DIAPH2: variants seen among roughly 807,000 people sequenced by gnomAD.
DIAPH2 encodes the protein diaphanous related formin 2.
DIAPH2 carries 35 observed loss-of-function variants against 92.7 expected under a neutral mutation model. The observed-to-expected ratio is 0.38, with a 90% confidence interval of 0.29 to 0.50. The LOEUF is 0.50. Ranked by LOEUF, DIAPH2 falls within the 20% of genes least tolerant of loss-of-function variation. The probability of loss-of-function intolerance (pLI) is 0.94; values close to 1 mark genes in which losing one functional copy is unlikely to be tolerated. For missense variants in DIAPH2, 701 were observed against 819.5 expected (o/e 0.86, Z 1.77); for synonymous variants, 301 against 280.4 (o/e 1.07, Z -0.73).
intron 21 of DIAPH2, among the ~76,000 whole-genome samples, chrX:97,139,171 C>T (rs6620226): frequency 0.44 from 47,303 of 108,596 alleles, 8,078 homozygotes; most frequent in Non-Finnish European, 0.54. Context: ...TCTTAGTTGC[C>T]TTCTGTGCTG....
At chrX:97,035,898 A>G (rs2147882223) in intron 17 of DIAPH2, among the ~76,000 whole-genome samples, 1 of 109,718 alleles carries the variant, frequency 9.1e-6, no homozygotes, top group Admixed American at 9.8e-5. Context: ...TGTCCCAGCT[A>G]CTTGAGAGGT....
chrX:97,486,182 AATT>A (rs1323312926), intron 26 of DIAPH2, among the ~76,000 whole-genome samples: 1 of 111,661 alleles, frequency 9.0e-6, no homozygotes, highest in African/African-American at 3.3e-5. Context: ...TGTCTTTCAT[AATT>A]ATTATTCAAT....
In DIAPH2 at chrX:97,304,609, G is replaced by A. The variant is rs189682895; in HGVS notation, c.2845-43507G>A. Among the ~76,000 whole-genome samples the A allele has an allele frequency of 1.5e-3, 168 of 112,424 alleles. 1 individual carries two copies. Among genetic ancestry groups the A allele is most frequent in the African/African-American group, 5.2e-3 (163 of 31,077 alleles). ...GAAAAGTACTTGTACATATCTCTGTGATGGTGTTCATCTCACGATGTTTGA... is the reference window on the plus strand; with the variant it reads ...GAAAAGTACTTGTACATATCTCTGTAATGGTGTTCATCTCACGATGTTTGA... On this transcript the variant is annotated intron_variant, in intron 23 of 26. Coordinates refer to ENST00000324765, the MANE Select transcript of DIAPH2 (RefSeq NM_006729.5).
At chrX:97,536,707 T>G (rs1015353117) in intron 26 of DIAPH2, among the ~76,000 whole-genome samples, 2 of 111,857 alleles carry the variant, frequency 1.8e-5, no homozygotes, top group Non-Finnish European at 3.8e-5. Context: ...CAAGTATGTT[T>G]AAATATTGGA....
chrX:96,871,120 C>G (rs1019713245), intron 4 of DIAPH2, among the ~76,000 whole-genome samples: 3 of 111,927 alleles, frequency 2.7e-5, no homozygotes, highest in South Asian at 7.5e-4. Context: ...TATCATTGAT[C>G]AAATCCTGCC....
chrX:97,456,411 C>A (rs1448108677), intron 26 of DIAPH2, among the ~76,000 whole-genome samples: 1 of 110,630 alleles, frequency 9.0e-6, no homozygotes, highest in African/African-American at 3.3e-5. Flanking sequence ...AGGCAATCTT[C>A]AGTGATAAAC....
intron 26 of DIAPH2, among the ~76,000 whole-genome samples, chrX:97,471,548 C>T (rs184943078): frequency 1.7e-4 from 18 of 108,996 alleles, no homozygotes; most frequent in African/African-American, 5.7e-4. Flanking sequence ...AAAAATCAGC[C>T]GGGCGTGGTG....
intron 21 of DIAPH2, among the ~76,000 whole-genome samples, chrX:97,133,380 C>T (rs994106101): frequency 1.8e-5 from 2 of 111,159 alleles, no homozygotes; most frequent in Admixed American, 1.9e-4. Flanking sequence ...CTCCACCTCC[C>T]GGGTTCAAGT....
chrX:97,000,869 T>C (rs1025176165), intron 17 of DIAPH2, among the ~76,000 whole-genome samples: 3 of 111,266 alleles, frequency 2.7e-5, no homozygotes, highest in African/African-American at 9.8e-5. Context: ...TTCTCACTTA[T>C]CCACACTGTC....
intron 11 of DIAPH2, among the ~76,000 whole-genome samples, chrX:96,938,426 C>T (rs2065672141): frequency 9.0e-6 from 1 of 111,558 alleles, no homozygotes; most frequent in Non-Finnish European, 1.9e-5. Flanking sequence ...AATCAAACTT[C>T]ACCATAAAAC....
chrX:97,389,546 A>G (rs950296634), intron 25 of DIAPH2, among the ~76,000 whole-genome samples: 7 of 109,475 alleles, frequency 6.4e-5, no homozygotes, highest in African/African-American at 1.0e-4. Context: ...AGCAATTCCT[A>G]CGCTCCTCCA....
intron 4 of DIAPH2, among the ~76,000 whole-genome samples, chrX:96,852,423 G>C (rs2065011907): frequency 8.9e-6 from 1 of 112,205 alleles, no homozygotes; most frequent in Non-Finnish European, 1.9e-5. Context: ...CAGTTTCTAT[G>C]AGGTTTTACT....
chrX:97,074,715 C>T (rs1349396242), intron 18 of DIAPH2, among the ~76,000 whole-genome samples: 1 of 111,742 alleles, frequency 8.9e-6, no homozygotes, highest in Non-Finnish European at 1.9e-5. Flanking sequence ...GGGAGAATTG[C>T]AGAGTAGATG....
chrX:97,487,778 A>ATTT (rs58507297), intron 26 of DIAPH2, among the ~76,000 whole-genome samples: 1 of 105,763 alleles, frequency 9.5e-6, no homozygotes, highest in Non-Finnish European at 2.0e-5. Context: ...TGCCTTTTAC[A>ATTT]TTTTTTTTTT....
intron 4 of DIAPH2, among the ~76,000 whole-genome samples, chrX:96,802,010 C>T (rs1257174146): frequency 8.9e-6 from 1 of 112,069 alleles, no homozygotes; most frequent in Non-Finnish European, 1.9e-5. Context: ...ACAATACTGT[C>T]TCTTCCCAAT....
chrX:97,031,671 C>T (rs1281139164), intron 17 of DIAPH2, among the ~76,000 whole-genome samples: 1 of 111,071 alleles, frequency 9.0e-6, no homozygotes, highest in Non-Finnish European at 1.9e-5. Context: ...TCTGTGTCCT[C>T]GGGGAATGCA....
intron 16 of DIAPH2, among the ~76,000 whole-genome samples, chrX:96,959,972 G>A (rs2065836736): frequency 9.0e-6 from 1 of 111,007 alleles, no homozygotes; most frequent in Admixed American, 9.6e-5. Context: ...TTCCATTGGT[G>A]TATATATCTC....
At chrX:97,387,014 TAGTC>T (rs2069609083) in intron 25 of DIAPH2, among the ~76,000 whole-genome samples, 1 of 111,171 alleles carries the variant, frequency 9.0e-6, no homozygotes, top group African/African-American at 3.3e-5. Context: ...ATGATGTACA[TAGTC>T]AGGATTCTTA....
At chrX:97,361,791 T>G (rs2069327970) in intron 24 of DIAPH2, among the ~76,000 whole-genome samples, 1 of 111,899 alleles carries the variant, frequency 8.9e-6, no homozygotes, top group Non-Finnish European at 1.9e-5. Context: ...TGAAGCTTTT[T>G]TTTCAATTAG....
Sources: gnomAD v4.1 joint callset for allele counts (sites outside exome capture counted in the v4.1 genomes callset) on GRCh38, gnomAD v4.1.1 for gene constraint, MANE v1.5 for transcripts, NCBI Gene and HGNC (gene_info 2026-07-23, HGNC 2026-07-21) for gene names.